The following HPSE2 variants were observed in gnomAD, a reference collection of about 807,000 sequenced individuals.
The protein encoded by HPSE2 is heparanase 2 (inactive).
Under a neutral mutation model 60.5 loss-of-function variants are expected in HPSE2, and 38 were observed. The observed-to-expected ratio is 0.63, with a 90% CI of 0.48 to 0.82. The LOEUF (loss-of-function observed/expected upper bound fraction) is 0.82. HPSE2 is among the 40% of genes least tolerant of loss of function. The pLI, the probability that HPSE2 is intolerant of heterozygous loss-of-function variation, is 0.00. For synonymous variants in HPSE2, 295 were observed against 293.2 expected (o/e 1.01, Z -0.06); for missense variants, 713 against 740.4 (o/e 0.96, Z 0.43).
At chr10:99,128,650 G>C (rs750399957) in intron 3 of HPSE2, among the ~76,000 whole-genome samples, 1 of 152,022 alleles carries the variant, frequency 6.6e-6, no homozygotes, top group African/African-American at 2.4e-5. Flanking sequence ...CTGGAACAGG[G>C]AGGGAAACAA....
intron 3 of HPSE2, among the ~76,000 whole-genome samples, chr10:99,014,509 T>C (rs1380375506): frequency 2.0e-5 from 3 of 152,194 alleles, no homozygotes; most frequent in African/African-American, 7.2e-5. Flanking sequence ...TTTCTGTCTT[T>C]AGGTCTCTGA....
chr10:98,825,079 A>T (rs1379968515), intron 3 of HPSE2, among the ~76,000 whole-genome samples: 3 of 152,244 alleles, frequency 2.0e-5, no homozygotes, highest in Non-Finnish European at 4.4e-5. Flanking sequence ...AGCTGCACAC[A>T]CTACTCAAGT....
chr10:98,549,993 A>G (rs1328706769), intron 9 of HPSE2, among the ~76,000 whole-genome samples: 2 of 152,158 alleles, frequency 1.3e-5, no homozygotes, highest in Non-Finnish European at 2.9e-5. Context: ...TTCCAACTCA[A>G]TCGGGGTCAT....
intron 9 of HPSE2, among the ~76,000 whole-genome samples, chr10:98,491,972 C>T (rs1941661922): frequency 6.6e-6 from 1 of 152,228 alleles, no homozygotes. Flanking sequence ...AACACAAGAA[C>T]AGCAAATGCA....
chr10:98,945,286 G>T (rs1338239926), intron 3 of HPSE2, among the ~76,000 whole-genome samples: 1 of 152,076 alleles, frequency 6.6e-6, no homozygotes, highest in Non-Finnish European at 1.5e-5. Flanking sequence ...AATTCCCCAA[G>T]TTGTTTTTAC....
At chr10:98,622,560 G>T (rs1372506768) in intron 7 of HPSE2, among the ~76,000 whole-genome samples, 1 of 152,154 alleles carries the variant, frequency 6.6e-6, no homozygotes. Context: ...ACAGCTCCCT[G>T]TCCTCTCTCC....
chr10:98,715,486 T>C (rs941962371), intron 5 of HPSE2, among the ~76,000 whole-genome samples: 3 of 151,996 alleles, frequency 2.0e-5, no homozygotes, highest in African/African-American at 7.2e-5. Context: ...TTTTTTTCTT[T>C]CATGCTACTG....
chr10:99,243,980 C>T, the HPSE2 span, among the ~76,000 whole-genome samples: 1 of 152,034 alleles, frequency 6.6e-6, no homozygotes, highest in Non-Finnish European at 1.5e-5. Context: ...GATTAATGGA[C>T]CTGTAATAAA....
At chr10:99,060,385 G>A (rs915422976) in intron 3 of HPSE2, among the ~76,000 whole-genome samples, 4 of 152,040 alleles carry the variant, frequency 2.6e-5, no homozygotes, top group Non-Finnish European at 4.4e-5. Flanking sequence ...TAGGCTGGGC[G>A]CAGTGGCTCA....
intron 1 of HPSE2, 95 bp downstream of exon 1, chr10:99,235,418 T>G: frequency 8.6e-7 from 1 of 1,169,190 alleles, no homozygotes. Flanking sequence ...CTGCTTGGCT[T>G]ATTTTCTTCT....
intron 3 of HPSE2, among the ~76,000 whole-genome samples, chr10:98,999,664 C>G (rs1377574344): frequency 6.6e-6 from 1 of 151,948 alleles, no homozygotes; most frequent in Non-Finnish European, 1.5e-5. Context: ...GGTAGGCAGA[C>G]TAGACTCTAC....
chr10:99,019,034 G>A (rs1338648357), intron 3 of HPSE2, among the ~76,000 whole-genome samples: 1 of 152,148 alleles, frequency 6.6e-6, no homozygotes, highest in Non-Finnish European at 1.5e-5. Flanking sequence ...GAGTAAAGCC[G>A]GCTGCGTTTC....
chr10:98,719,701 T>TAAAA (rs562725586), intron 5 of HPSE2, among the ~76,000 whole-genome samples: 11 of 107,240 alleles, frequency 1.0e-4, no homozygotes, highest in African/African-American at 1.7e-4. Flanking sequence ...GATGTTGCAT[T>TAAAA]AAAAAAAAAA....
chr10:98,811,255 T>C (rs1226759011), intron 3 of HPSE2, among the ~76,000 whole-genome samples: 1 of 152,156 alleles, frequency 6.6e-6, no homozygotes, highest in African/African-American at 2.4e-5. Context: ...TCATTCACGA[T>C]ATTCCCTACT....
At chr10:98,845,481 T>A (rs1205499802) in intron 3 of HPSE2, among the ~76,000 whole-genome samples, 1 of 152,184 alleles carries the variant, frequency 6.6e-6, no homozygotes, top group Non-Finnish European at 1.5e-5. Flanking sequence ...AACATGTGAG[T>A]ATAAAGTAAT....
intron 11 of HPSE2, among the ~76,000 whole-genome samples, chr10:98,473,177 T>G (rs1940850403): frequency 1.3e-5 from 2 of 152,030 alleles, no homozygotes; most frequent in Non-Finnish European, 2.9e-5. Context: ...CAACTAAGTT[T>G]GGATGAGGTA....
chr10:98,841,032 C>T (rs1248658191), intron 3 of HPSE2, among the ~76,000 whole-genome samples: 4 of 152,044 alleles, frequency 2.6e-5, no homozygotes, highest in East Asian at 1.9e-4. Context: ...CCAAGGGGGG[C>T]GAATCACTTG....
At chr10:99,077,593 T>C (rs773532920) in intron 3 of HPSE2, among the ~76,000 whole-genome samples, 1 of 152,096 alleles carries the variant, frequency 6.6e-6, no homozygotes, top group Non-Finnish European at 1.5e-5. Flanking sequence ...TGTGTATGTG[T>C]ATATGTGTGT....
chr10:98,702,327 T>C (rs1284222385), intron 5 of HPSE2, among the ~76,000 whole-genome samples: 1 of 152,150 alleles, frequency 6.6e-6, no homozygotes. Context: ...CTTAGAGACC[T>C]ATAAAGAGAC....
Sources: gnomAD v4.1 joint callset for allele counts (sites outside exome capture counted in the v4.1 genomes callset) on GRCh38, gnomAD v4.1.1 for gene constraint, MANE v1.5 for transcripts, NCBI Gene and HGNC (gene_info 2026-07-23, HGNC 2026-07-21) for gene names.